TNS1: variants seen among roughly 807,000 people sequenced by gnomAD.
TNS1 encodes tensin-1.
Under a neutral mutation model 168.6 loss-of-function variants are expected in TNS1, and 62 were observed. The ratio of observed to expected loss-of-function variants is 0.37; its 90% CI spans 0.30 to 0.45. TNS1 has a LOEUF of 0.45. Among genes scored for constraint, TNS1 ranks in the 20% least tolerant of loss-of-function variants. TNS1 has a pLI of 1.00. For missense variants in TNS1, 2,240 were observed against 2,339.4 expected (o/e 0.96, Z 0.88); for synonymous variants, 934 against 933.2 (o/e 1.00, Z -0.02).
chr2:217,971,924 T>C (rs140489927), intron 3 of TNS1, among the ~76,000 whole-genome samples: 25 of 152,198 alleles, frequency 1.6e-4, no homozygotes, highest in Admixed American at 4.6e-4. Context: ...TCCTTGATAA[T>C]AGAGAGAGAG....
intron 6 of TNS1, among the ~76,000 whole-genome samples, chr2:217,902,915 G>A (rs1268228265): frequency 6.6e-6 from 1 of 152,174 alleles, no homozygotes; most frequent in African/African-American, 2.4e-5. Context: ...GACATGCACG[G>A]TGACACGTCT....
intron 3 of TNS1, among the ~76,000 whole-genome samples, chr2:217,976,377 G>A (rs1274017747): frequency 1.3e-5 from 2 of 152,184 alleles, no homozygotes; most frequent in East Asian, 1.9e-4. Flanking sequence ...TGTGGCTCCC[G>A]CTGCCCTTCC....
chr2:217,918,398 T>C (rs1341796439), intron 4 of TNS1, among the ~76,000 whole-genome samples: 2 of 152,144 alleles, frequency 1.3e-5, no homozygotes, highest in Non-Finnish European at 2.9e-5. Flanking sequence ...CACCGTCTGG[T>C]GACACAGCCA....
intron 21 of TNS1, among the ~76,000 whole-genome samples, chr2:217,832,439 C>T (rs890491973): frequency 2.0e-5 from 3 of 152,200 alleles, no homozygotes; most frequent in African/African-American, 7.2e-5. Context: ...TGTCTCCTGA[C>T]ACAGCTCTGA....
At chr2:218,010,322 C>G in exon 1 of TNS1, 1 of 396,232 alleles carries the variant, frequency 2.5e-6, no homozygotes. Flanking sequence ...TGTCCCGGGT[C>G]TCCCGGAGGC....
chr2:217,921,231 C>G (rs747885670), intron 3 of TNS1, among the ~76,000 whole-genome samples: 1 of 152,198 alleles, frequency 6.6e-6, no homozygotes, highest in Non-Finnish European at 1.5e-5. Context: ...CGATTCCCAA[C>G]CTGAACACCA....
chr2:217,954,732 G>A (rs182154740), intron 3 of TNS1, among the ~76,000 whole-genome samples: 49 of 152,228 alleles, frequency 3.2e-4, no homozygotes, highest in Admixed American at 1.5e-3. Context: ...CCTGCACATC[G>A]TGCTGCTGAC....
chr2:217,848,198 A>G lies in TNS1; in HGVS notation c.2319T>C (p.Asn773=). ...GCTGCTGCTGCTGCTGCTGCCACGA[A>G]TTCAGTCCCCTTTGCACAGCCTCCC... ...SSREAVQRGL[N]SWQQQQQQQQ... Residue 773 remains asparagine (N), a synonymous_variant, in exon 19 of 33, where the codon AAT becomes AAC. Transcript: ENST00000682258. 1 of 1,599,732 alleles carries G rather than the reference A, an allele frequency of 6.3e-7. No individual in the cohort carries two copies. The highest frequency in any genetic ancestry group is 8.5e-7 in the Non-Finnish European group (1 of 1,174,052).
chr2:217,812,516 C>A, intron 27 of TNS1, 71 bp from the exon 28 acceptor site: 1 of 1,282,264 alleles, frequency 7.8e-7, no homozygotes, highest in Non-Finnish European at 1.1e-6. Context: ...CACCTCTACC[C>A]TTACACCGAT....
chr2:218,019,813 C>T (rs1004386658), intron 1 of TNS1, among the ~76,000 whole-genome samples: 2 of 152,162 alleles, frequency 1.3e-5, no homozygotes, highest in Non-Finnish European at 2.9e-5. Flanking sequence ...AGAAGTGCCT[C>T]CTGATACCTG....
Position 217,804,161 on chromosome 2 carries a change from G to A in TNS1, c.*298C>T. ...GAGGACATCCATCTTCTTAGGGGAGGGAGGGGGTGTTAGGTGGACCTGGTT... is the reference window on the plus strand; with the variant it reads ...GAGGACATCCATCTTCTTAGGGGAGAGAGGGGGTGTTAGGTGGACCTGGTT... On this transcript the variant is annotated 3_prime_UTR_variant, in exon 33 of 33. Transcript: ENST00000682258. 1 of 310,864 alleles carries A rather than the reference G, an allele frequency of 3.2e-6. No individual in the cohort carries two copies. Among genetic ancestry groups the A allele is most frequent in the Non-Finnish European group, 6.0e-6 (1 of 166,910 alleles). 19.3% of individuals were successfully genotyped at this position (310,864 alleles called of 1,614,324 possible). A position where few individuals can be genotyped will look rare whatever the true frequency, so the allele number is the denominator to read the frequency against.
intron 7 of TNS1, among the ~76,000 whole-genome samples, chr2:217,899,442 C>T (rs1468445771): frequency 6.6e-6 from 1 of 152,212 alleles, no homozygotes; most frequent in Non-Finnish European, 1.5e-5. Flanking sequence ...CACATACCTG[C>T]AAGCAAGTGG....
intron 18 of TNS1, among the ~76,000 whole-genome samples, chr2:217,863,083 T>C (rs1051674557): frequency 1.3e-5 from 2 of 152,076 alleles, no homozygotes; most frequent in African/African-American, 4.8e-5. Context: ...TCAAGTTCTT[T>C]CTTTTCATTC....
intron 3 of TNS1, among the ~76,000 whole-genome samples, chr2:217,923,672 T>C (rs892053116): frequency 6.6e-5 from 10 of 152,206 alleles, no homozygotes; most frequent in African/African-American, 2.4e-4. Context: ...AGCCCTTTGC[T>C]CATACTAACC....
In TNS1 at chr2:217,893,396, G is replaced by A. The variant is rs777055292; in HGVS notation, c.717+43C>T. ...CACACACACATGTGCGCATGTGCGC[G>A]CGCGCACACACACACACACACACAC... On this transcript the variant is annotated intron_variant, in intron 10 of 32. Coordinates refer to ENST00000682258, the MANE Select transcript of TNS1 (RefSeq NM_001387777.1). 2.8e-5 allele frequency: 42 copies of A among 1,512,582 alleles called. No individual in the cohort carries two copies. The Admixed American group carries it at 5.2e-4, about 19-fold the overall frequency. 93.7% of individuals were successfully genotyped at this position (1,512,582 alleles called of 1,614,324 possible).
intron 24 of TNS1, 147 bp downstream of exon 24, chr2:217,817,543 C>T (rs901472997): frequency 1.6e-5 from 11 of 668,260 alleles, no homozygotes; most frequent in African/African-American, 5.4e-5. Context: ...TCTCTTTATA[C>T]GGATAAAGAA....
At chr2:217,846,388 C>T (rs563932739) in intron 19 of TNS1, among the ~76,000 whole-genome samples, 6 of 152,298 alleles carry the variant, frequency 3.9e-5, no homozygotes, top group South Asian at 2.1e-4. Flanking sequence ...CCTAAACCCA[C>T]GGTCCATCTC....
intron 6 of TNS1, among the ~76,000 whole-genome samples, chr2:217,900,907 G>A (rs970830717): frequency 1.3e-5 from 2 of 152,206 alleles, no homozygotes; most frequent in African/African-American, 2.4e-5. Context: ...CAAAAGGAGC[G>A]ATGAGAGTAA....
chr2:218,014,536 G>A (rs191821025), upstream of TNS1, among the ~76,000 whole-genome samples: 22 of 152,254 alleles, frequency 1.4e-4, no homozygotes, highest in Admixed American at 3.9e-4. Context: ...GGGTTCTTGC[G>A]GAGCTGGACT....
Sources: allele counts gnomAD v4.1 joint callset (sites outside exome capture counted in the v4.1 genomes callset), GRCh38; gene constraint gnomAD v4.1.1; transcripts MANE v1.5; gene names NCBI Gene and HGNC (gene_info 2026-07-23, HGNC 2026-07-21).